Variants in UTRN observed in about 807,000 individuals in gnomAD.
UTRN encodes the protein utrophin.
UTRN carries 283 observed loss-of-function variants against 463.9 expected under a neutral mutation model. The observed-to-expected ratio is 0.61, with a 90% CI of 0.55 to 0.67. The LOEUF (loss-of-function observed/expected upper bound fraction) is 0.67, where lower values mean the gene tolerates loss of function less well. Among genes scored for constraint, UTRN ranks in the 30% least tolerant of loss-of-function variants. The pLI, the probability that UTRN is intolerant of heterozygous loss-of-function variation, is 0.00. For missense variants in UTRN, 3,922 were observed against 4,084.3 expected, an observed-to-expected ratio of 0.96 and a Z score of 1.08; for synonymous variants, 1,442 against 1,431.5, an observed-to-expected ratio of 1.01 and a Z score of -0.17.
chr6:144,443,520 TTAAA>T (rs1399554405), intron 13 of UTRN, among the ~76,000 whole-genome samples: 9 of 151,028 alleles, frequency 6.0e-5, no homozygotes, highest in Non-Finnish European at 1.3e-4. Context: ...ATAATATGAA[TTAAA>T]TAATTCTTGT....
intron 58 of UTRN, among the ~76,000 whole-genome samples, chr6:144,769,285 T>C (rs1171683429): frequency 6.7e-6 from 1 of 149,030 alleles, no homozygotes; most frequent in Non-Finnish European, 1.5e-5. Context: ...TCCCCCGACT[T>C]AAAAAAAAAA....
intron 2 of UTRN, among the ~76,000 whole-genome samples, chr6:144,389,361 T>A (rs908125617): frequency 6.6e-6 from 1 of 152,134 alleles, no homozygotes; most frequent in Non-Finnish European, 1.5e-5. Context: ...AGCTTAGTGA[T>A]TTTTGGGGCC....
intron 62 of UTRN, among the ~76,000 whole-genome samples, chr6:144,792,953 T>G (rs1002200304): frequency 1.3e-5 from 2 of 152,132 alleles, no homozygotes; most frequent in Non-Finnish European, 2.9e-5. Context: ...AGTTTTTTAA[T>G]GAATGGAAAA....
At chr6:144,704,572 G>A (rs1457392972) in intron 53 of UTRN, among the ~76,000 whole-genome samples, 4 of 152,046 alleles carry the variant, frequency 2.6e-5, no homozygotes, top group African/African-American at 9.7e-5. Flanking sequence ...TTCCTTCCAG[G>A]GTAGCCATCA....
At chr6:144,393,282 A>G (rs1782103954) in intron 2 of UTRN, among the ~76,000 whole-genome samples, 1 of 152,196 alleles carries the variant, frequency 6.6e-6, no homozygotes, top group Non-Finnish European at 1.5e-5. Flanking sequence ...CCTTAACAAC[A>G]TGCTAGAAAT....
chr6:144,762,565 G>A (rs1279065079), intron 58 of UTRN, among the ~76,000 whole-genome samples: 1 of 152,180 alleles, frequency 6.6e-6, no homozygotes, highest in African/African-American at 2.4e-5. Context: ...TTTTCTAGAT[G>A]TTTAAAGCAG....
At chr6:144,692,006 C>T (rs1373856786) in intron 52 of UTRN, among the ~76,000 whole-genome samples, 1 of 152,038 alleles carries the variant, frequency 6.6e-6, no homozygotes. Flanking sequence ...CAGCCTAGTA[C>T]CCTATAGTTA....
In UTRN at chr6:144,724,626, A is replaced by G. The variant is rs181113121; in HGVS notation, c.7810-5731A>G. 2.0e-5 allele frequency among the ~76,000 whole-genome samples: 3 copies of G among 152,152 alleles called. No individual in the cohort carries two copies. In the East Asian group the frequency reaches 5.8e-4, roughly 29 times the overall value. On this transcript the variant is annotated intron_variant, in intron 53 of 74. Transcript: ENST00000367545. Reference sequence around the variant, plus strand: ...GTTCCCCAGCCTTAAGCAACGAGTAATCTACTTTCTGCCTCTCTAGACTTG... The same window carrying G: ...GTTCCCCAGCCTTAAGCAACGAGTAGTCTACTTTCTGCCTCTCTAGACTTG...
At chr6:144,757,786 C>A in intron 57 of UTRN, 143 bp from the exon 58 acceptor site, 2 of 632,178 alleles carry the variant, frequency 3.2e-6, no homozygotes, top group East Asian at 6.1e-5. Flanking sequence ...TTGTTTGGCC[C>A]AGTGGATCTC....
At chr6:144,583,289 T>G in intron 51 of UTRN, 1 of 413,254 alleles carries the variant, frequency 2.4e-6, no homozygotes. Context: ...CTCTGTGGCG[T>G]TTGTCTGTGT....
intron 55 of UTRN, among the ~76,000 whole-genome samples, chr6:144,748,866 A>G (rs1455464788): frequency 6.6e-6 from 1 of 152,014 alleles, no homozygotes. Context: ...TTTTCAGTTT[A>G]TTTGTTAAAG....
chr6:144,479,671 A>G (rs759827801), intron 25 of UTRN, 141 bp from the exon 26 acceptor site: 193 of 938,810 alleles, frequency 2.1e-4, no homozygotes, highest in Non-Finnish European at 2.7e-4. Flanking sequence ...TTAGCATGAG[A>G]TGTATGAGAT....
chr6:144,470,971 C>T (rs897493509), intron 23 of UTRN, among the ~76,000 whole-genome samples: 5 of 149,842 alleles, frequency 3.3e-5, no homozygotes, highest in Middle Eastern at 3.5e-3. Flanking sequence ...GCCGAGATGG[C>T]GGCAGGACAG....
intron 66 of UTRN, 142 bp downstream of exon 66, chr6:144,821,160 C>T (rs1779565980): frequency 9.1e-7 from 1 of 1,094,322 alleles, no homozygotes; most frequent in Non-Finnish European, 1.2e-6. Flanking sequence ...GTCTTCACAA[C>T]ATGAATTTTT....
At chr6:144,367,458 A>G (rs932100794) in intron 2 of UTRN, among the ~76,000 whole-genome samples, 7 of 152,036 alleles carry the variant, frequency 4.6e-5, no homozygotes, top group Admixed American at 3.3e-4. Flanking sequence ...GACTTTCCTC[A>G]ATTATTATAT....
chr6:144,682,808 T>A (rs1403668344), intron 52 of UTRN, among the ~76,000 whole-genome samples: 1 of 152,200 alleles, frequency 6.6e-6, no homozygotes, highest in African/African-American at 2.4e-5. Context: ...GATAAAATAG[T>A]TTGTTATTTA....
At chr6:144,590,016 C>A (rs960885366) in intron 51 of UTRN, among the ~76,000 whole-genome samples, 1 of 151,768 alleles carries the variant, frequency 6.6e-6, no homozygotes, top group Non-Finnish European at 1.5e-5. Flanking sequence ...GCCACCACAC[C>A]GGGCTAATTT....
At chr6:144,325,925 G>A (rs558330659) in intron 2 of UTRN, among the ~76,000 whole-genome samples, 130 of 152,308 alleles carry the variant, frequency 8.5e-4, no homozygotes, top group African/African-American at 3.1e-3. Flanking sequence ...AATTAAAAGT[G>A]TGATATCAGA....
At chr6:144,707,632 G>A (rs1785225645) in intron 53 of UTRN, among the ~76,000 whole-genome samples, 4 of 152,136 alleles carry the variant, frequency 2.6e-5, no homozygotes, top group South Asian at 2.1e-4. Context: ...GGAGGATATG[G>A]GCTCAACCTA....
Sources: allele counts gnomAD v4.1 joint callset (sites outside exome capture counted in the v4.1 genomes callset), GRCh38; gene constraint gnomAD v4.1.1; transcripts MANE v1.5; gene names NCBI Gene and HGNC (gene_info 2026-07-23, HGNC 2026-07-21).